PRKG1: variants seen among roughly 807,000 people sequenced by gnomAD.
PRKG1 encodes the protein cGMP-dependent protein kinase 1.
PRKG1 carries 35 observed loss-of-function variants against 88.1 expected under a neutral mutation model. That is an observed-to-expected ratio of 0.40 (90% CI 0.30 to 0.53). The LOEUF (loss-of-function observed/expected upper bound fraction) is 0.53. PRKG1 is among the 20% of genes least tolerant of loss of function. The probability of loss-of-function intolerance (pLI) is 0.59; values close to 1 mark genes in which losing one functional copy is unlikely to be tolerated. For synonymous variants in PRKG1, 303 were observed against 292.5 expected (o/e 1.04, Z -0.37); for missense variants, 540 against 839.8 (o/e 0.64, Z 4.41).
chr10:51,122,956 A>T (rs140904875), intron 1 of PRKG1, among the ~76,000 whole-genome samples: 1 of 152,048 alleles, frequency 6.6e-6, no homozygotes. Context: ...TAATCATAAC[A>T]TTTCCCCTGC....
chr10:51,464,012 C>G (rs1839813573), intron 2 of PRKG1, among the ~76,000 whole-genome samples: 1 of 152,044 alleles, frequency 6.6e-6, no homozygotes, highest in African/African-American at 2.4e-5. Flanking sequence ...TAGCTCACGC[C>G]TGTAATCCCA....
intron 2 of PRKG1, among the ~76,000 whole-genome samples, chr10:51,433,716 C>G (rs2132730549): frequency 6.6e-6 from 1 of 152,190 alleles, no homozygotes; most frequent in East Asian, 1.9e-4. Flanking sequence ...AGACTTAATC[C>G]TAGTGACAAT....
At position 52,293,806 on chromosome 10, in the gene PRKG1, C is replaced by T. The variant is rs761501836; in HGVS notation, c.1967C>T (p.Ala656Val). The T allele has an allele frequency of 1.2e-6, 2 of 1,611,564 alleles. No homozygotes were observed. Among genetic ancestry groups the T allele is most frequent in the Non-Finnish European group, 1.7e-6 (2 of 1,178,640 alleles). The change falls in exon 18 of 18, where the codon GCA becomes GTA. Residue 656 changes from alanine to valine, a missense_variant. Ala to Val is a moderately conservative substitution (Grantham distance 64). Transcript: ENST00000373980. Reference protein sequence around the residue: ...TLTPPIIPSVASPTDTSNFDS... With the variant: ...TLTPPIIPSVVSPTDTSNFDS... ...AAACCTGTCCATTTTTTACAGGTTGCATCACCCACAGACACAAGTAATTTT... is the reference window on the plus strand; with the variant it reads ...AAACCTGTCCATTTTTTACAGGTTGTATCACCCACAGACACAAGTAATTTT...
chr10:52,069,683 C>G (rs1278091470), intron 7 of PRKG1, among the ~76,000 whole-genome samples: 2 of 151,918 alleles, frequency 1.3e-5, no homozygotes, highest in East Asian at 1.9e-4. Flanking sequence ...CTTTTGTATC[C>G]CACCCGCGTA....
chr10:52,129,872 T>C (rs1049247820), intron 7 of PRKG1, among the ~76,000 whole-genome samples: 8 of 152,202 alleles, frequency 5.3e-5, no homozygotes, highest in African/African-American at 1.9e-4. Flanking sequence ...TTATTCAACA[T>C]TTTAATGAAT....
At chr10:51,151,555 A>G (rs1846072267) in intron 1 of PRKG1, among the ~76,000 whole-genome samples, 1 of 129,820 alleles carries the variant, frequency 7.7e-6, no homozygotes. Flanking sequence ...TTCAAAACCT[A>G]TGTTTTTGTT....
At position 51,948,554 on chromosome 10, in the gene PRKG1, G is replaced by A. The variant is rs906294464; in HGVS notation, c.762+40984G>A. Among the ~76,000 whole-genome samples the A allele has an allele frequency of 9.7e-5, 11 of 113,768 alleles. No individual in the cohort carries two copies. The South Asian group carries it at 1.2e-3, about 12-fold the overall frequency. The allele number at this position is 113,768 out of a possible 152,430, so 74.6% of individuals were successfully genotyped here. On this transcript the variant is annotated intron_variant, in intron 5 of 17. Transcript: ENST00000373980. ...TGTGTGTGTGTGTGTGTGTGCGTGT[G>A]TGTGTGTGTAATTTGATAAGTAATT... is the stretch of plus-strand genomic sequence containing the variant.
At chr10:51,662,225 C>G (rs146580018) in intron 3 of PRKG1, among the ~76,000 whole-genome samples, 1 of 151,986 alleles carries the variant, frequency 6.6e-6, no homozygotes, top group African/African-American at 2.4e-5. Context: ...CTAAAGTATA[C>G]TTTTAAAAAA....
chr10:51,716,001 C>T (rs1374774522), intron 3 of PRKG1, among the ~76,000 whole-genome samples: 1 of 152,194 alleles, frequency 6.6e-6, no homozygotes, highest in East Asian at 1.9e-4. Context: ...CTCACTTCCC[C>T]CAAATGCTGA....
intron 1 of PRKG1, among the ~76,000 whole-genome samples, chr10:51,042,468 A>G (rs1843436881): frequency 6.6e-6 from 1 of 152,104 alleles, no homozygotes; most frequent in Non-Finnish European, 1.5e-5. Flanking sequence ...AGCTACTTTC[A>G]TTTCTCTGAA....
chr10:51,651,860 G>A (rs932698654), intron 3 of PRKG1, among the ~76,000 whole-genome samples: 2 of 152,084 alleles, frequency 1.3e-5, no homozygotes, highest in African/African-American at 4.8e-5. Context: ...GGGATTACAG[G>A]TATGAGCCAC....
chr10:52,276,752 T>G lies in PRKG1; in HGVS notation c.1404-4037T>G, dbSNP rs574003413. 2.0e-5 allele frequency among the ~76,000 whole-genome samples: 3 copies of G among 152,316 alleles called. No individual in the cohort carries two copies. In the South Asian group the frequency reaches 6.2e-4, roughly 32 times the overall value. On this transcript the variant is annotated intron_variant, in intron 12 of 17. Coordinates refer to ENST00000373980, the MANE Select transcript of PRKG1 (RefSeq NM_006258.4). ...ACTATTGATGAAACAGGGTTTCTTTTGTTTTAAATCAAATTTACATTGTCA... is the reference window on the plus strand; with the variant it reads ...ACTATTGATGAAACAGGGTTTCTTTGGTTTTAAATCAAATTTACATTGTCA...
chr10:51,864,549 A>G (rs1840967878), intron 4 of PRKG1, among the ~76,000 whole-genome samples: 1 of 152,170 alleles, frequency 6.6e-6, no homozygotes, highest in Admixed American at 6.5e-5. Context: ...ATGTTAAAAC[A>G]TTTTTTATGC....
At chr10:51,850,680 C>G (rs1840530591) in intron 4 of PRKG1, among the ~76,000 whole-genome samples, 1 of 151,916 alleles carries the variant, frequency 6.6e-6, no homozygotes, top group Non-Finnish European at 1.5e-5. Context: ...GAAAAATGGG[C>G]AAAGGTCATG....
At chr10:51,838,243 T>C (rs1046576918) in intron 4 of PRKG1, among the ~76,000 whole-genome samples, 8 of 152,216 alleles carry the variant, frequency 5.3e-5, no homozygotes, top group African/African-American at 1.9e-4. Context: ...TCATGTATAG[T>C]GATCTAAAGA....
intron 3 of PRKG1, among the ~76,000 whole-genome samples, chr10:51,637,164 G>A (rs1385831853): frequency 2.0e-5 from 3 of 151,452 alleles, no homozygotes; most frequent in African/African-American, 7.3e-5. Context: ...AGAAACATAT[G>A]GAAAAAAAAA....
At chr10:51,287,660 A>T (rs1406911454) in intron 2 of PRKG1, among the ~76,000 whole-genome samples, 1 of 152,228 alleles carries the variant, frequency 6.6e-6, no homozygotes, top group Non-Finnish European at 1.5e-5. Context: ...GAAGGTGGTC[A>T]GGGAAAGGTT....
intron 2 of PRKG1, among the ~76,000 whole-genome samples, chr10:51,409,973 T>A (rs887624389): frequency 6.7e-6 from 1 of 150,358 alleles, no homozygotes; most frequent in African/African-American, 2.4e-5. Flanking sequence ...TCAGACAGCA[T>A]CCCTATCTGC....
chr10:51,300,272 T>C (rs1840847956), intron 2 of PRKG1, among the ~76,000 whole-genome samples: 1 of 152,102 alleles, frequency 6.6e-6, no homozygotes, highest in Non-Finnish European at 1.5e-5. Flanking sequence ...CCATGCAGCT[T>C]TTCTTCTCTT....
Sources: gnomAD v4.1 joint callset for allele counts (sites outside exome capture counted in the v4.1 genomes callset) on GRCh38, gnomAD v4.1.1 for gene constraint, MANE v1.5 for transcripts, NCBI Gene and HGNC (gene_info 2026-07-23, HGNC 2026-07-21) for gene names.